ARMC7: variants seen among roughly 807,000 people sequenced by gnomAD.
The protein encoded by ARMC7 is armadillo repeat containing 7.
ARMC7 carries 9 observed loss-of-function variants against 14.8 expected under a neutral mutation model. That is an observed-to-expected ratio of 0.61 (90% confidence interval 0.37 to 1.06). The LOEUF (loss-of-function observed/expected upper bound fraction) is 1.06, where lower values mean the gene tolerates loss of function less well. ARMC7 is among the 50% of genes least tolerant of loss of function. The probability of loss-of-function intolerance (pLI) is 0.01; values close to 1 mark genes in which losing one functional copy is unlikely to be tolerated. For missense variants in ARMC7, 262 were observed against 267.1 expected (o/e 0.98, Z 0.13); for synonymous variants, 125 against 123.4 (o/e 1.01, Z -0.09).
chr17:75,125,886 A>T (rs917723232), intron 2 of ARMC7, among the ~76,000 whole-genome samples: 10 of 152,190 alleles, frequency 6.6e-5, no homozygotes, highest in Non-Finnish European at 1.2e-4. Context: ...AGCCTGACCC[A>T]GGTGCTGCTT....
Position 75,129,198 on chromosome 17 carries a change from C to A in ARMC7, c.*160C>A. ...ACAGGCATTTACACTGATGAAACGC[C>A]ACTGGGAGTGAGGAAGCCAGACTCC... On this transcript the variant is annotated 3_prime_UTR_variant, in exon 3 of 3. Coordinates refer to ENST00000245543, the MANE Select transcript of ARMC7 (RefSeq NM_024585.4). 9.6e-7 allele frequency: 1 copy of A among 1,036,812 alleles called. No homozygotes were observed. The highest frequency in any genetic ancestry group is 1.4e-6 in the Non-Finnish European group (1 of 739,572). The allele number at this position is 1,036,812 out of a possible 1,614,324, so 64.2% of individuals were successfully genotyped here. A position where few individuals can be genotyped will look rare whatever the true frequency, so the allele number is the denominator to read the frequency against.
intron 2 of ARMC7, among the ~76,000 whole-genome samples, chr17:75,118,861 C>T (rs1240791872): frequency 6.6e-6 from 1 of 152,196 alleles, no homozygotes; most frequent in Non-Finnish European, 1.5e-5. Flanking sequence ...TTGTACATAT[C>T]GGGAACCCCC....
chr17:75,127,990 A>G (rs2145136644), intron 2 of ARMC7, among the ~76,000 whole-genome samples: 1 of 152,336 alleles, frequency 6.6e-6, no homozygotes, highest in South Asian at 2.1e-4. Context: ...GCATAAGTAT[A>G]TACCCATGAA....
At chr17:75,119,408 GA>G in intron 2 of ARMC7, among the ~76,000 whole-genome samples, 1 of 151,130 alleles carries the variant, frequency 6.6e-6, no homozygotes, top group African/African-American at 2.4e-5. Context: ...GAAGGGACCA[GA>G]ATGGTGGTGA....
chr17:75,120,085 A>G (rs2074002835), intron 2 of ARMC7, among the ~76,000 whole-genome samples: 1 of 151,884 alleles, frequency 6.6e-6, no homozygotes, highest in Non-Finnish European at 1.5e-5. Flanking sequence ...TTGTATTTTT[A>G]GTAGAGATGG....
At chr17:75,122,967 G>C (rs1361467299) in intron 2 of ARMC7, among the ~76,000 whole-genome samples, 2 of 151,708 alleles carry the variant, frequency 1.3e-5, no homozygotes, top group African/African-American at 4.8e-5. Flanking sequence ...GTACAATCTG[G>C]TGTCCTTCTT....
At chr17:75,117,170 T>C (rs1031496368) in intron 2 of ARMC7, among the ~76,000 whole-genome samples, 1 of 152,126 alleles carries the variant, frequency 6.6e-6, no homozygotes, top group South Asian at 2.1e-4. Context: ...TCCGCCTACC[T>C]GGTTCAAGCA....
At chr17:75,123,944 A>T (rs2074032602) in intron 2 of ARMC7, among the ~76,000 whole-genome samples, 1 of 152,122 alleles carries the variant, frequency 6.6e-6, no homozygotes, top group African/African-American at 2.4e-5. Flanking sequence ...GTTTCATCAT[A>T]TGCATGTACC....
At position 75,113,574 on chromosome 17, in the gene ARMC7, C is replaced by G. The variant is rs953604876; in HGVS notation, c.235+2968C>G. Reference sequence around the variant, plus strand: ...GTTTCACCGTGTTAGCCAGGATGGGCTCAATCTCCTGACCTCGTGATCTGC... The same window carrying G: ...GTTTCACCGTGTTAGCCAGGATGGGGTCAATCTCCTGACCTCGTGATCTGC... On this transcript the variant is annotated intron_variant, in intron 2 of 2. Coordinates refer to ENST00000245543, the MANE Select transcript of ARMC7 (RefSeq NM_024585.4). 3.3e-5 allele frequency among the ~76,000 whole-genome samples: 5 copies of G among 152,058 alleles called. No homozygotes were observed. The South Asian group carries it at 1.0e-3, about 32-fold the overall frequency.
Position 75,115,525 on chromosome 17 carries a change from A to G in ARMC7, c.235+4919A>G, listed in dbSNP as rs193246045. On this transcript the variant is annotated intron_variant, in intron 2 of 2. Coordinates refer to ENST00000245543, the MANE Select transcript of ARMC7 (RefSeq NM_024585.4). ...TGCACTCCAGCCTGGGTGACAGAGCAAGACTCTGTCTCCATAAAAAAAAAA... is the reference window on the plus strand; with the variant it reads ...TGCACTCCAGCCTGGGTGACAGAGCGAGACTCTGTCTCCATAAAAAAAAAA... 5.6e-3 allele frequency among the ~76,000 whole-genome samples: 857 copies of G among 151,896 alleles called. 4 individuals are homozygous for G. Among genetic ancestry groups the G allele is most frequent in the Non-Finnish European group, 9.1e-3 (620 of 67,890 alleles).
At chr17:75,116,784 C>A (rs1050587500) in intron 2 of ARMC7, among the ~76,000 whole-genome samples, 1 of 152,188 alleles carries the variant, frequency 6.6e-6, no homozygotes, top group African/African-American at 2.4e-5. Flanking sequence ...CTCATTTTAT[C>A]AATAAGGAAG....
In ARMC7 at chr17:75,128,821, C is replaced by T. The variant is rs377525655; in HGVS notation, c.380C>T (p.Pro127Leu). 26 of 1,613,060 alleles carry T rather than the reference C, an allele frequency of 1.6e-5. No homozygotes were observed. The highest frequency in any genetic ancestry group is 2.2e-5 in the South Asian group (2 of 91,088). ...ATCACCACGCTCATGCACCTGAGCC[C>T]GCCGGGCCGCAGCTTTCTCCCAGAG... is the stretch of plus-strand genomic sequence containing the variant. ...SAITTLMHLS[P>L]PGRSFLPELT... Residue 127 changes from proline (P) to leucine (L), a missense_variant, in exon 3 of 3, where the codon CCG (proline) becomes CTG (leucine). Coordinates refer to ENST00000245543, the MANE Select transcript of ARMC7 (RefSeq NM_024585.4).
chr17:75,113,897 G>C (rs559202508), intron 2 of ARMC7, among the ~76,000 whole-genome samples: 1 of 152,278 alleles, frequency 6.6e-6, no homozygotes, highest in African/African-American at 2.4e-5. Flanking sequence ...CAAGAGAGAG[G>C]CCCATGCAGC....
At chr17:75,110,738 G>A (rs998780362) in intron 2 of ARMC7, 132 bp downstream of exon 2, 146 of 1,247,806 alleles carry the variant, frequency 1.2e-4, no homozygotes, top group Non-Finnish European at 8.6e-5. Context: ...TAAGGCGGGC[G>A]GATCACCTGA....
intron 2 of ARMC7, among the ~76,000 whole-genome samples, chr17:75,126,796 C>A (rs2074054744): frequency 6.6e-6 from 1 of 152,138 alleles, no homozygotes; most frequent in African/African-American, 2.4e-5. Context: ...CACAGTGGCT[C>A]ATGCCTGTAA....
rs572926779 is a variant in ARMC7 at position 75,118,122 on chromosome 17, CA to C, written c.235+7532del. On this transcript the variant is annotated intron_variant, in intron 2 of 2. Coordinates refer to ENST00000245543, the MANE Select transcript of ARMC7 (RefSeq NM_024585.4). ...CATGGGCGACAAAGCAAGACTGTCT[CA>C]AAAAAAAAAAAAAAACAAAGTTATC... Among the ~76,000 whole-genome samples, 250 of 112,772 alleles carry C rather than the reference CA, an allele frequency of 2.2e-3. 1 individual carries two copies. The highest frequency in any genetic ancestry group is 2.6e-3 in the Non-Finnish European group (129 of 50,448). The allele number at this position is 112,772 out of a possible 152,430, so 74.0% of individuals were successfully genotyped here. A position where few individuals can be genotyped will look rare whatever the true frequency, so the allele number is the denominator to read the frequency against.
At chr17:75,124,207 C>T (rs1045226855) in intron 2 of ARMC7, among the ~76,000 whole-genome samples, 1 of 152,184 alleles carries the variant, frequency 6.6e-6, no homozygotes, top group Non-Finnish European at 1.5e-5. Flanking sequence ...CCGCCTTCTT[C>T]ATCTCTAAGG....
At chr17:75,127,510 G>C (rs2074060521) in intron 2 of ARMC7, among the ~76,000 whole-genome samples, 1 of 152,192 alleles carries the variant, frequency 6.6e-6, no homozygotes, top group East Asian at 1.9e-4. Context: ...TGTTGGCCAG[G>C]CTGGTCTGGA....
In ARMC7 at chr17:75,129,352, T is replaced by C. The variant is rs2145138847; in HGVS notation, c.*314T>C. 2.3e-6 allele frequency: 1 copy of C among 437,938 alleles called. No homozygotes were observed. The highest frequency in any genetic ancestry group is 4.1e-6 in the Non-Finnish European group (1 of 243,846). 27.1% of individuals were successfully genotyped at this position (437,938 alleles called of 1,614,324 possible). On this transcript the variant is annotated 3_prime_UTR_variant, in exon 3 of 3. Transcript: ENST00000245543. ...GGCCAAGTGCCTGGACCCAGAGGCT[T>C]TGCAGGACAGTGTTCTCAGGAGCTG...
Sources: allele counts gnomAD v4.1 joint callset (sites outside exome capture counted in the v4.1 genomes callset), GRCh38; gene constraint gnomAD v4.1.1; transcripts MANE v1.5; gene names NCBI Gene and HGNC (gene_info 2026-07-23, HGNC 2026-07-21).